TTLL11: variants seen among roughly 807,000 people sequenced by gnomAD.
TTLL11 encodes the protein tubulin polyglutamylase TTLL11.
Under a neutral mutation model 51.7 loss-of-function variants are expected in TTLL11, and 42 were observed. The observed-to-expected ratio is 0.81, with a 90% CI of 0.64 to 1.05. The LOEUF (loss-of-function observed/expected upper bound fraction) is 1.05. Among genes scored for constraint, TTLL11 ranks in the 50% least tolerant of loss-of-function variants. The pLI is 0.00. For missense variants in TTLL11, 799 were observed against 940.4 expected, an observed-to-expected ratio of 0.85 and a Z score of 1.97; for synonymous variants, 381 against 383.5, an observed-to-expected ratio of 0.99 and a Z score of 0.08.
At chr9:122,086,971 C>G (rs764324998) in intron 1 of TTLL11, among the ~76,000 whole-genome samples, 93 of 152,320 alleles carry the variant, frequency 6.1e-4, no homozygotes, top group Admixed American at 1.6e-3. Context: ...AATAGAATAA[C>G]TCCTTGCAGA....
At chr9:121,825,812 T>C (rs552668705) in intron 8 of TTLL11, among the ~76,000 whole-genome samples, 48 of 150,780 alleles carry the variant, frequency 3.2e-4, no homozygotes, top group South Asian at 1.0e-3. Context: ...ATTAGAGCTA[T>C]ATGCATAGAA....
intron 4 of TTLL11, among the ~76,000 whole-genome samples, chr9:121,981,519 G>C (rs1243522358): frequency 1.3e-5 from 2 of 152,064 alleles, no homozygotes; most frequent in Non-Finnish European, 2.9e-5. Flanking sequence ...CATCATTTCT[G>C]ATATTTTTGG....
At chr9:121,863,204 G>A (rs1242505201) in intron 7 of TTLL11, among the ~76,000 whole-genome samples, 3 of 152,194 alleles carry the variant, frequency 2.0e-5, no homozygotes, top group South Asian at 2.1e-4. Context: ...GTCAATGGAC[G>A]CGGAGGTTTT....
intron 6 of TTLL11, among the ~76,000 whole-genome samples, chr9:121,951,131 T>C (rs562396099): frequency 1.3e-3 from 198 of 152,192 alleles, no homozygotes; most frequent in Non-Finnish European, 2.1e-3. Flanking sequence ...CCACTAATGA[T>C]TTCTCAGCAT....
At chr9:121,988,498 A>G (rs935166648) in intron 4 of TTLL11, among the ~76,000 whole-genome samples, 1 of 146,914 alleles carries the variant, frequency 6.8e-6, no homozygotes, top group Non-Finnish European at 1.5e-5. Flanking sequence ...CCTGCTTCCC[A>G]CTCACCCCTC....
chr9:121,918,104 G>A (rs1840406032), intron 6 of TTLL11, among the ~76,000 whole-genome samples: 1 of 152,136 alleles, frequency 6.6e-6, no homozygotes, highest in African/African-American at 2.4e-5. Context: ...TACAGACCAC[G>A]GACCAGGGTG....
intron 3 of TTLL11, among the ~76,000 whole-genome samples, chr9:122,006,981 C>CAAAAAA (rs71371911): frequency 4.6e-5 from 2 of 43,460 alleles, no homozygotes; most frequent in Non-Finnish European, 9.0e-5. Context: ...GATACTCTGT[C>CAAAAAA]AAAAAAAAAA....
intron 3 of TTLL11, among the ~76,000 whole-genome samples, chr9:122,011,133 G>A (rs942226575): frequency 1.3e-5 from 2 of 152,178 alleles, no homozygotes; most frequent in African/African-American, 2.4e-5. Flanking sequence ...TTTACAAGGA[G>A]TTTCTCCTTT....
At chr9:121,885,845 C>T (rs1254307606) in intron 6 of TTLL11, among the ~76,000 whole-genome samples, 1 of 152,204 alleles carries the variant, frequency 6.6e-6, no homozygotes, top group Non-Finnish European at 1.5e-5. Context: ...CCTCTTGCCT[C>T]AGCCTCTCAA....
chr9:121,930,840 G>C (rs1387657276), intron 6 of TTLL11, among the ~76,000 whole-genome samples: 1 of 152,226 alleles, frequency 6.6e-6, no homozygotes, highest in African/African-American at 2.4e-5. Flanking sequence ...TCCTCGCGCT[G>C]AGTTTGGCAC....
chr9:122,042,184 C>A (rs1844864305), intron 1 of TTLL11, among the ~76,000 whole-genome samples: 3 of 152,236 alleles, frequency 2.0e-5, no homozygotes, highest in East Asian at 3.9e-4. Flanking sequence ...CCAGCTAATT[C>A]TTGTATTTTT....
chr9:122,072,281 G>A (rs1296576163), intron 1 of TTLL11, among the ~76,000 whole-genome samples: 1 of 152,106 alleles, frequency 6.6e-6, no homozygotes, highest in Non-Finnish European at 1.5e-5. Flanking sequence ...GTATGACTTG[G>A]CTCCTGCATA....
At chr9:121,862,543 C>G (rs530033281) in intron 7 of TTLL11, among the ~76,000 whole-genome samples, 1 of 152,290 alleles carries the variant, frequency 6.6e-6, no homozygotes, top group African/African-American at 2.4e-5. Context: ...CAGTGAGTGA[C>G]CCTGCCCGTT....
chr9:121,969,595 A>G (rs1352588997), intron 6 of TTLL11, among the ~76,000 whole-genome samples: 1 of 152,162 alleles, frequency 6.6e-6, no homozygotes, highest in Non-Finnish European at 1.5e-5. Context: ...CTTGCTGACA[A>G]ACTGTTCTCA....
chr9:121,946,552 A>G (rs1044072498), intron 6 of TTLL11, among the ~76,000 whole-genome samples: 3 of 152,114 alleles, frequency 2.0e-5, no homozygotes, highest in Non-Finnish European at 2.9e-5. Flanking sequence ...TGTGCAAAAA[A>G]CAGTTACCAG....
intron 6 of TTLL11, among the ~76,000 whole-genome samples, chr9:121,956,079 G>GC (rs11387890): frequency 0.077 from 11,779 of 152,256 alleles, 687 homozygotes; most frequent in African/African-American, 0.16. Context: ...TAAATTAGCA[G>GC]CCCACAGGCT....
chr9:121,907,760 G>C (rs1839993195), intron 6 of TTLL11, among the ~76,000 whole-genome samples: 1 of 152,168 alleles, frequency 6.6e-6, no homozygotes, highest in Non-Finnish European at 1.5e-5. Flanking sequence ...TTGGGGGACT[G>C]TCATATCTGT....
chr9:122,083,605 T>C (rs1846050728), intron 1 of TTLL11, among the ~76,000 whole-genome samples: 1 of 152,110 alleles, frequency 6.6e-6, no homozygotes, highest in Non-Finnish European at 1.5e-5. Context: ...AGGTCAGTAG[T>C]TCGAGACCAG....
chr9:121,983,512 G>A (rs1842870255), intron 4 of TTLL11, among the ~76,000 whole-genome samples: 1 of 152,176 alleles, frequency 6.6e-6, no homozygotes, highest in Admixed American at 6.5e-5. Flanking sequence ...AAGGATGGAG[G>A]CCTGAGACTC....
Sources: allele counts gnomAD v4.1 joint callset (sites outside exome capture counted in the v4.1 genomes callset), GRCh38; gene constraint gnomAD v4.1.1; transcripts MANE v1.5; gene names NCBI Gene and HGNC (gene_info 2026-07-23, HGNC 2026-07-21).